Variants in FAF1 observed in about 807,000 individuals in gnomAD.
The protein encoded by FAF1 is Fas associated factor 1, also known as FAS-associated factor 1.
In FAF1, 25 loss-of-function variants were observed where a neutral mutation model predicts 92.5. The observed-to-expected ratio is 0.27, with a 90% confidence interval of 0.20 to 0.38. FAF1 has a LOEUF of 0.38. Ranked by LOEUF, FAF1 falls within the 10% of genes least tolerant of loss-of-function variation. The pLI is 1.00. For missense variants in FAF1, 636 were observed against 793.3 expected (o/e 0.80, Z 2.38); for synonymous variants, 234 against 273.2 (o/e 0.86, Z 1.42).
intron 1 of FAF1, among the ~76,000 whole-genome samples, chr1:50,864,288 G>A: frequency 6.7e-6 from 1 of 148,206 alleles, no homozygotes; most frequent in African/African-American, 2.5e-5. Context: ...TCTTTTAATT[G>A]TGATGTTAGG....
intron 6 of FAF1, among the ~76,000 whole-genome samples, chr1:50,737,016 A>T (rs1659168198): frequency 6.6e-6 from 1 of 152,230 alleles, no homozygotes; most frequent in Non-Finnish European, 1.5e-5. Flanking sequence ...GTTAATAAAA[A>T]GTACATTAAC....
At chr1:50,749,954 T>C (rs1659788312) in intron 4 of FAF1, among the ~76,000 whole-genome samples, 1 of 152,216 alleles carries the variant, frequency 6.6e-6, no homozygotes, top group Admixed American at 6.5e-5. Context: ...CAAAAAATGT[T>C]ATTTTGAGTT....
At chr1:50,773,607 T>A (rs1282910859) in intron 4 of FAF1, among the ~76,000 whole-genome samples, 2 of 152,182 alleles carry the variant, frequency 1.3e-5, no homozygotes, top group African/African-American at 4.8e-5. Context: ...TGCTCTCACT[T>A]ACATATGGAA....
chr1:50,609,797 A>C (rs529986873), intron 8 of FAF1, among the ~76,000 whole-genome samples: 46 of 152,268 alleles, frequency 3.0e-4, no homozygotes, highest in African/African-American at 1.1e-3. Flanking sequence ...ATTATGGAAA[A>C]AAAAAAAAAG....
At chr1:50,578,776 C>T (rs992183446) in intron 12 of FAF1, among the ~76,000 whole-genome samples, 3 of 150,452 alleles carry the variant, frequency 2.0e-5, no homozygotes, top group African/African-American at 7.5e-5. Context: ...AATTACTATA[C>T]GTACACAGTT....
intron 12 of FAF1, among the ~76,000 whole-genome samples, chr1:50,567,513 AG>A (rs1394269731): frequency 6.6e-6 from 1 of 152,100 alleles, no homozygotes; most frequent in Non-Finnish European, 1.5e-5. Context: ...GAAGTTGCAA[AG>A]GAATTGTATT....
At chr1:50,613,137 T>A (rs1652754828) in intron 8 of FAF1, among the ~76,000 whole-genome samples, 1 of 152,166 alleles carries the variant, frequency 6.6e-6, no homozygotes. Flanking sequence ...TCTAGAGAAA[T>A]ATATAACCTA....
At chr1:50,863,101 T>G (rs113910111) in intron 1 of FAF1, among the ~76,000 whole-genome samples, 1 of 151,878 alleles carries the variant, frequency 6.6e-6, no homozygotes, top group Non-Finnish European at 1.5e-5. Context: ...CCAAGATAGG[T>G]CATATGGTAG....
chr1:50,601,771 T>C (rs1273313822), intron 8 of FAF1, among the ~76,000 whole-genome samples: 2 of 151,734 alleles, frequency 1.3e-5, no homozygotes, highest in Non-Finnish European at 2.9e-5. Flanking sequence ...TATATTCATA[T>C]GTATACATAT....
chr1:50,815,795 G>A (rs905592766), intron 2 of FAF1, among the ~76,000 whole-genome samples: 1 of 152,048 alleles, frequency 6.6e-6, no homozygotes, highest in Non-Finnish European at 1.5e-5. Context: ...AGGCCGAGAC[G>A]GGCGGATCAC....
intron 2 of FAF1, among the ~76,000 whole-genome samples, chr1:50,802,302 C>A (rs890576995): frequency 6.6e-6 from 1 of 152,070 alleles, no homozygotes; most frequent in African/African-American, 2.4e-5. Flanking sequence ...GTTGGTCAGG[C>A]GGGTCTCGAA....
chr1:50,929,952 A>G (rs1236083476), intron 1 of FAF1, among the ~76,000 whole-genome samples: 2 of 152,250 alleles, frequency 1.3e-5, no homozygotes, highest in Non-Finnish European at 2.9e-5. Context: ...CAAATAACAT[A>G]TATTAGGCAA....
At chr1:50,825,062 C>CA (rs1450837789) in intron 2 of FAF1, among the ~76,000 whole-genome samples, 5 of 151,940 alleles carry the variant, frequency 3.3e-5, no homozygotes, top group African/African-American at 1.2e-4. Context: ...CTATAGTTAA[C>CA]AATAATTTAG....
chr1:50,639,470 CCTGATTGT>C (rs1424575141), intron 8 of FAF1, among the ~76,000 whole-genome samples: 2 of 152,144 alleles, frequency 1.3e-5, no homozygotes, highest in Admixed American at 6.5e-5. Flanking sequence ...ACCTTATTCA[CCTGATTGT>C]ATATGTTTTC....
intron 4 of FAF1, among the ~76,000 whole-genome samples, chr1:50,757,530 G>T (rs181434603): frequency 1.3e-5 from 2 of 152,138 alleles, no homozygotes; most frequent in African/African-American, 4.8e-5. Flanking sequence ...AATATTCTTT[G>T]TCCAGAGTCT....
intron 17 of FAF1, among the ~76,000 whole-genome samples, chr1:50,484,018 A>T (rs1299830614): frequency 1.3e-5 from 2 of 152,168 alleles, no homozygotes; most frequent in African/African-American, 4.8e-5. Context: ...GAGTTCAGGG[A>T]AAGGGAGGAG....
At chr1:50,899,099 A>G (rs1644777031) in intron 1 of FAF1, among the ~76,000 whole-genome samples, 1 of 152,036 alleles carries the variant, frequency 6.6e-6, no homozygotes, top group African/African-American at 2.4e-5. Flanking sequence ...CTAGTATACA[A>G]GTTCACTAGT....
At chr1:50,513,193 T>C (rs1647159485) in intron 15 of FAF1, among the ~76,000 whole-genome samples, 1 of 152,116 alleles carries the variant, frequency 6.6e-6, no homozygotes, top group Non-Finnish European at 1.5e-5. Flanking sequence ...AAACGAATTC[T>C]CACTGGCTAG....
At chr1:50,478,689 T>A (rs1646666210) in intron 17 of FAF1, among the ~76,000 whole-genome samples, 1 of 152,228 alleles carries the variant, frequency 6.6e-6, no homozygotes, top group Admixed American at 6.5e-5. Flanking sequence ...AAATTCACAA[T>A]GTTGTACAAC....
Sources: gnomAD v4.1 joint callset for allele counts (sites outside exome capture counted in the v4.1 genomes callset) on GRCh38, gnomAD v4.1.1 for gene constraint, MANE v1.5 for transcripts, NCBI Gene and HGNC (gene_info 2026-07-23, HGNC 2026-07-21) for gene names.